The following DMRT3 variants were observed in gnomAD, a reference collection of about 807,000 sequenced individuals.
The protein encoded by DMRT3 is doublesex- and mab-3-related transcription factor 3.
DMRT3 carries 29 observed loss-of-function variants against 34.9 expected under a neutral mutation model. That is an observed-to-expected ratio of 0.83 (90% CI 0.62 to 1.13). DMRT3 has a LOEUF of 1.13. DMRT3 is among the 50% of genes most tolerant of loss of function. The probability of loss-of-function intolerance (pLI) is 0.00; values close to 1 mark genes in which losing one functional copy is unlikely to be tolerated. For missense variants in DMRT3, 772 were observed against 629.1 expected (o/e 1.23, Z -2.43); for synonymous variants, 350 against 286.0 (o/e 1.22, Z -2.26).
chr9:990,514 A>C lies in DMRT3; in HGVS notation c.928A>C (p.Asn310His). 6.2e-7 allele frequency: 1 copy of C among 1,614,098 alleles called. No homozygotes were observed. The highest frequency in any genetic ancestry group is 8.5e-7 in the Non-Finnish European group (1 of 1,180,018). Residue 310 changes from asparagine to histidine, a missense_variant, in exon 2 of 2, where the codon AAT becomes CAT. Physicochemically the swap from Asn to His is moderately conservative, Grantham distance 68 (BLOSUM62 1). Coordinates refer to ENST00000190165, the MANE Select transcript of DMRT3 (RefSeq NM_021240.4). ...ACCTGAGAGTCTAGCGTTGCCCTCC[A>C]ATGGGCACATCTTTGAACACACCTT... ...AEPESLALPS[N>H]GHIFEHTLSS... is the part of the protein sequence containing the mutation.
chr9:989,444 A>G (rs1393300098), intron 1 of DMRT3, among the ~76,000 whole-genome samples: 1 of 152,184 alleles, frequency 6.6e-6, no homozygotes, highest in Non-Finnish European at 1.5e-5. Context: ...TTCAATGGAT[A>G]GAGGTATCTT....
intron 1 of DMRT3, among the ~76,000 whole-genome samples, chr9:985,145 TATGAA>T (rs1448034244): frequency 6.6e-5 from 10 of 152,192 alleles, no homozygotes; most frequent in African/African-American, 2.4e-4. Context: ...CCCCATGAAA[TATGAA>T]ATGGAAGAGA....
rs767728089 is a variant in DMRT3, at chr9:990,393, C to G, written c.807C>G (p.Leu269=). The change falls in exon 2 of 2, where the codon CTC becomes CTG. Residue 269 remains leucine (L), a synonymous_variant. Transcript: ENST00000190165. ...FPNQKPTVLE[L]ILKGCGGDLV... is the part of the protein sequence containing the mutation. ...ACCAGAAGCCAACGGTGCTTGAGCTCATCCTCAAGGGCTGTGGCGGGGACC... is the reference window on the plus strand; with the variant it reads ...ACCAGAAGCCAACGGTGCTTGAGCTGATCCTCAAGGGCTGTGGCGGGGACC... 1 of 1,614,078 alleles carries G rather than the reference C, an allele frequency of 6.2e-7. No homozygotes were observed. The highest frequency in any genetic ancestry group is 1.7e-5 in the Admixed American group (1 of 60,016).
At chr9:988,863 G>C (rs1001806928) in intron 1 of DMRT3, among the ~76,000 whole-genome samples, 38 of 152,134 alleles carry the variant, frequency 2.5e-4, no homozygotes, top group African/African-American at 9.2e-4. Flanking sequence ...TTTCAAAAAA[G>C]GACAAAACTC....
intron 1 of DMRT3, among the ~76,000 whole-genome samples, chr9:979,529 C>G (rs183024989): frequency 6.6e-5 from 10 of 152,146 alleles, no homozygotes; most frequent in Admixed American, 1.3e-4. Flanking sequence ...TCACCCCCAC[C>G]CCCCCATACC....
intron 1 of DMRT3, among the ~76,000 whole-genome samples, chr9:989,307 A>G (rs1383640603): frequency 6.6e-6 from 1 of 152,138 alleles, no homozygotes; most frequent in Non-Finnish European, 1.5e-5. Flanking sequence ...CTTTCTAGCC[A>G]CTTCCTTTTT....
intron 1 of DMRT3, among the ~76,000 whole-genome samples, chr9:987,500 TG>T (rs1820300942): frequency 6.6e-6 from 1 of 151,818 alleles, no homozygotes; most frequent in Non-Finnish European, 1.5e-5. Flanking sequence ...ACATTTGGGT[TG>T]CTTTCACCTT....
Position 990,068 on chromosome 9 carries a change from G to A in DMRT3, c.482G>A (p.Gly161Asp). 4 of 1,613,748 alleles carry A rather than the reference G, an allele frequency of 2.5e-6. No individual in the cohort carries two copies. The highest frequency in any genetic ancestry group is 3.4e-6 in the Non-Finnish European group (4 of 1,179,982). The part of the protein sequence containing the change: ...PDLTEERLGD[G>D]KSADNTEVFS... ...TTGACTGAAGAACGACTTGGAGACG[G>A]CAAGTCGGCAGACAATACAGAGGTC... Residue 161 changes from glycine (G) to aspartate (D), a missense_variant, in exon 2 of 2, where the codon GGC (glycine) becomes GAC (aspartate). By Grantham distance (94) the Gly-to-Asp change is moderately conservative (BLOSUM62 -1). Transcript: ENST00000190165.
intron 1 of DMRT3, among the ~76,000 whole-genome samples, chr9:984,029 T>C (rs571223610): frequency 2.6e-5 from 4 of 152,130 alleles, no homozygotes; most frequent in African/African-American, 4.8e-5. Context: ...CAACTATTCA[T>C]TTTTTTAAAA....
chr9:982,657 G>C (rs1349696027), intron 1 of DMRT3, among the ~76,000 whole-genome samples: 1 of 152,196 alleles, frequency 6.6e-6, no homozygotes, highest in African/African-American at 2.4e-5. Context: ...TCTGCTAACA[G>C]CTTTACAGAG....
At chr9:983,301 G>A (rs7859422) in intron 1 of DMRT3, among the ~76,000 whole-genome samples, 8,312 of 152,162 alleles carry the variant, frequency 0.055, 776 homozygotes, top group African/African-American at 0.19. Flanking sequence ...AGTGTTCCAC[G>A]TTTTTCCCAC....
chr9:988,309 A>T (rs1339086649), intron 1 of DMRT3, among the ~76,000 whole-genome samples: 2 of 152,238 alleles, frequency 1.3e-5, no homozygotes, highest in African/African-American at 4.8e-5. Flanking sequence ...ATGAATTCCT[A>T]TCAGATGTAT....
intron 1 of DMRT3, among the ~76,000 whole-genome samples, chr9:984,836 T>C (rs1348112072): frequency 1.3e-5 from 2 of 152,120 alleles, no homozygotes; most frequent in African/African-American, 2.4e-5. Flanking sequence ...TTTGAAATAA[T>C]ACATTTTTTT....
At chr9:979,845 G>GT (rs1820195646) in intron 1 of DMRT3, among the ~76,000 whole-genome samples, 2 of 152,200 alleles carry the variant, frequency 1.3e-5, no homozygotes, top group Non-Finnish European at 1.5e-5. Flanking sequence ...CATTCCATAT[G>GT]TATTTAGAAG....
At chr9:977,596 C>T in intron 1 of DMRT3, 141 bp downstream of exon 1, 1 of 880,086 alleles carries the variant, frequency 1.1e-6, no homozygotes, top group Admixed American at 5.0e-5. Context: ...CTCCGCCAGG[C>T]CGGGGCTTCC....
intron 1 of DMRT3, among the ~76,000 whole-genome samples, chr9:978,763 A>G (rs892922367): frequency 2.0e-5 from 3 of 152,164 alleles, no homozygotes; most frequent in Non-Finnish European, 4.4e-5. Flanking sequence ...AGAGCTGGGA[A>G]TTTTAAAGCC....
Position 977,039 on chromosome 9 carries a change from G to T in DMRT3, c.38G>T (p.Gly13Val), listed in dbSNP as rs912188284. Residue 13 changes from glycine (G) to valine (V), a missense_variant, in exon 1 of 2, where the codon GGC becomes GTC. Gly to Val is a moderately radical substitution (Grantham distance 109, BLOSUM62 -3). Transcript: ENST00000190165. The stretch of plus-strand genomic sequence containing the variant: ...GGCTCCCCCTACCTGTACATGGGCG[G>T]CCCGGTGTCGCAGCCGCCACGGGCG... The part of the protein sequence containing the change: ...GYGSPYLYMG[G>V]PVSQPPRAPL... 1.3e-6 allele frequency: 2 copies of T among 1,563,572 alleles called. No individual in the cohort carries two copies. Among genetic ancestry groups the T allele is most frequent in the Non-Finnish European group, 1.7e-6 (2 of 1,156,608 alleles).
rs1820159429 is a variant in DMRT3 at position 977,118 on chromosome 9, C to T, written c.117C>T (p.Ser39=). The T allele has an allele frequency of 3.1e-6, 5 of 1,610,044 alleles. No individual in the cohort carries two copies. The highest frequency in any genetic ancestry group is 2.2e-5 in the East Asian group (1 of 44,730). ...CARCRNHGVL[S]WLKGHKRYCR... is the part of the protein sequence containing the mutation. ...GCTGCCGCAACCATGGCGTCCTGTC[C>T]TGGCTCAAGGGCCACAAGCGTTACT... Residue 39 remains serine (S), a synonymous_variant, in exon 1 of 2, where the codon TCC becomes TCT. Transcript: ENST00000190165.
In DMRT3 at chr9:991,178, A is replaced by G; in HGVS notation, c.*173A>G. Reference sequence around the variant, plus strand: ...TAACTTATTTAACTTCTTGCACTTCACTGGAAAATGCCAAATAGCTCTGTT... The same window carrying G: ...TAACTTATTTAACTTCTTGCACTTCGCTGGAAAATGCCAAATAGCTCTGTT... On this transcript the variant is annotated 3_prime_UTR_variant, in exon 2 of 2. Coordinates refer to ENST00000190165, the MANE Select transcript of DMRT3 (RefSeq NM_021240.4). 1 of 846,978 alleles carries G rather than the reference A, an allele frequency of 1.2e-6. No individual in the cohort carries two copies. The highest frequency in any genetic ancestry group is 1.9e-5 in the South Asian group (1 of 53,088). The allele number at this position is 846,978 out of a possible 1,614,324, so 52.5% of individuals were successfully genotyped here.
Sources: allele counts gnomAD v4.1 joint callset (sites outside exome capture counted in the v4.1 genomes callset), GRCh38; gene constraint gnomAD v4.1.1; transcripts MANE v1.5; gene names NCBI Gene and HGNC (gene_info 2026-07-23, HGNC 2026-07-21).